The following JPH3 variants were observed in gnomAD, a reference collection of about 807,000 sequenced individuals.
The protein encoded by JPH3 is junctophilin-3.
JPH3 carries 11 observed loss-of-function variants against 59.6 expected under a neutral mutation model. The observed-to-expected ratio is 0.18, with a 90% CI of 0.12 to 0.31. The LOEUF is 0.31. Ranked by LOEUF, JPH3 falls within the 10% of genes least tolerant of loss-of-function variation. The pLI, the probability that JPH3 is intolerant of heterozygous loss-of-function variation, is 1.00. For synonymous variants in JPH3, 673 were observed against 483.6 expected (o/e 1.39, Z -5.14); for missense variants, 1,202 against 1,105.7 (o/e 1.09, Z -1.24).
At chr16:87,686,899 G>A (rs575588734) in intron 3 of JPH3, among the ~76,000 whole-genome samples, 8 of 152,306 alleles carry the variant, frequency 5.3e-5, no homozygotes, top group African/African-American at 1.9e-4. Flanking sequence ...TCCAGTCCTC[G>A]AGGGTCTGGC....
At chr16:87,627,800 G>A (rs1014641391) in intron 1 of JPH3, among the ~76,000 whole-genome samples, 3 of 152,218 alleles carry the variant, frequency 2.0e-5, no homozygotes, top group East Asian at 1.9e-4. Context: ...GCCGGTGGGC[G>A]GGTTTTCTCC....
intron 1 of JPH3, among the ~76,000 whole-genome samples, chr16:87,628,438 G>A (rs553873953): frequency 2.3e-4 from 35 of 152,380 alleles, no homozygotes; most frequent in Non-Finnish European, 4.3e-4. Context: ...GGGTGGGGCC[G>A]GATCGTGATC....
chr16:87,637,414 G>C (rs933279569), intron 1 of JPH3, among the ~76,000 whole-genome samples: 2 of 115,822 alleles, frequency 1.7e-5, no homozygotes, highest in Non-Finnish European at 3.6e-5. Flanking sequence ...GAGAGAGAGT[G>C]TGTGTGTTTG....
chr16:87,662,997 G>C (rs1042484379), intron 2 of JPH3, among the ~76,000 whole-genome samples: 22 of 152,202 alleles, frequency 1.4e-4, no homozygotes, highest in Non-Finnish European at 2.8e-4. Context: ...ATGCTGTTGG[G>C]CACCAGCCTG....
intron 2 of JPH3, among the ~76,000 whole-genome samples, chr16:87,671,268 C>CA (rs138407892): frequency 0.061 from 9,279 of 152,230 alleles, 365 homozygotes; most frequent in Non-Finnish European, 0.087. Context: ...CCCACCTGGC[C>CA]CCTTCGTCAC....
intron 1 of JPH3, among the ~76,000 whole-genome samples, chr16:87,642,516 G>C (rs951558556): frequency 8.5e-5 from 13 of 152,216 alleles, no homozygotes; most frequent in African/African-American, 2.9e-4. Flanking sequence ...GCGGTGGGAC[G>C]AATAAAACCT....
intron 1 of JPH3, among the ~76,000 whole-genome samples, chr16:87,628,264 CA>C (rs1328788598): frequency 6.6e-6 from 1 of 152,258 alleles, no homozygotes; most frequent in African/African-American, 2.4e-5. Context: ...TCAGAAGGAG[CA>C]GCAGGACCCT....
At chr16:87,668,670 A>C (rs2032937332) in intron 2 of JPH3, among the ~76,000 whole-genome samples, 1 of 152,046 alleles carries the variant, frequency 6.6e-6, no homozygotes, top group Admixed American at 6.6e-5. Context: ...TTCTTGGCGG[A>C]GTCTGGCCAG....
intron 2 of JPH3, among the ~76,000 whole-genome samples, chr16:87,671,245 C>G (rs1567608410): frequency 6.6e-6 from 1 of 152,014 alleles, no homozygotes; most frequent in Non-Finnish European, 1.5e-5. Flanking sequence ...CCTGCCTGCC[C>G]CAGAGACCAA....
intron 1 of JPH3, among the ~76,000 whole-genome samples, chr16:87,635,567 G>C (rs578074248): frequency 3.2e-4 from 48 of 152,306 alleles, no homozygotes; most frequent in African/African-American, 1.1e-3. Context: ...TCTCCGAGCA[G>C]GGTCCCTTGA....
chr16:87,641,456 G>T (rs745582254), intron 1 of JPH3, among the ~76,000 whole-genome samples: 1 of 152,188 alleles, frequency 6.6e-6, no homozygotes, highest in African/African-American at 2.4e-5. Flanking sequence ...ACCAGTGTGG[G>T]ATCCCAAACA....
chr16:87,646,563 G>T (rs879313760), intron 2 of JPH3, among the ~76,000 whole-genome samples: 3 of 152,220 alleles, frequency 2.0e-5, no homozygotes, highest in African/African-American at 7.2e-5. Flanking sequence ...CACTGAGAAG[G>T]GAGAAAGCAG....
intron 2 of JPH3, among the ~76,000 whole-genome samples, chr16:87,665,218 C>T (rs1010205824): frequency 1.5e-4 from 23 of 152,224 alleles, no homozygotes; most frequent in African/African-American, 5.1e-4. Context: ...AGGCTTTTCC[C>T]ATCCGGGACC....
intron 1 of JPH3, chr16:87,604,254 G>A (rs1456156421): frequency 1.4e-6 from 2 of 1,456,642 alleles, no homozygotes; most frequent in African/African-American, 1.4e-5. Flanking sequence ...CACCGCATTC[G>A]GGGCAGAGCC....
At chr16:87,691,991 C>G (rs574650616) in intron 4 of JPH3, among the ~76,000 whole-genome samples, 1 of 152,110 alleles carries the variant, frequency 6.6e-6, no homozygotes, top group Non-Finnish European at 1.5e-5. Flanking sequence ...AATGCACAAG[C>G]TGGGGACAAG....
At chr16:87,607,892 GCT>G (rs2030584632) in intron 1 of JPH3, among the ~76,000 whole-genome samples, 1 of 152,240 alleles carries the variant, frequency 6.6e-6, no homozygotes, top group South Asian at 2.1e-4. Flanking sequence ...TTCTCTTTCC[GCT>G]ACTTCGGGGG....
At chr16:87,641,382 T>C (rs2031945437) in intron 1 of JPH3, among the ~76,000 whole-genome samples, 2 of 152,202 alleles carry the variant, frequency 1.3e-5, no homozygotes, top group South Asian at 4.1e-4. Flanking sequence ...CCGACGTTGA[T>C]GGCAGTGGAC....
chr16:87,684,304 G>C lies in JPH3; in HGVS notation c.1285+38G>C. ...GGGCCTGATACTGGCATCGTGGGGAGGGGGTGCGTGGATGGCTGGGCAGTC... is the reference window on the plus strand; with the variant it reads ...GGGCCTGATACTGGCATCGTGGGGACGGGGTGCGTGGATGGCTGGGCAGTC... On this transcript the variant is annotated intron_variant, in intron 3 of 4. Transcript: ENST00000284262. 4 of 1,608,742 alleles carry C rather than the reference G, an allele frequency of 2.5e-6. No homozygotes were observed. In the Admixed American group the frequency reaches 6.7e-5, roughly 27 times the overall value.
chr16:87,687,549 TC>T (rs1188224206), intron 3 of JPH3, among the ~76,000 whole-genome samples: 1 of 152,178 alleles, frequency 6.6e-6, no homozygotes, highest in Non-Finnish European at 1.5e-5. Context: ...CCAGGCCACT[TC>T]CGGTGCCATC....
Sources: gnomAD v4.1 joint callset for allele counts (sites outside exome capture counted in the v4.1 genomes callset) on GRCh38, gnomAD v4.1.1 for gene constraint, MANE v1.5 for transcripts, NCBI Gene and HGNC (gene_info 2026-07-23, HGNC 2026-07-21) for gene names.